Variants in ACOX3 observed in about 807,000 individuals in gnomAD.
ACOX3 encodes acyl-CoA oxidase 3, pristanoyl.
A neutral mutation model predicts 81.5 loss-of-function variants in ACOX3; 73 were observed. The observed-to-expected ratio is 0.90, with a 90% CI of 0.74 to 1.09. The LOEUF (loss-of-function observed/expected upper bound fraction) is 1.09. Among genes scored for constraint, ACOX3 ranks in the 50% least tolerant of loss-of-function variants. ACOX3 has a pLI of 0.00. For missense variants in ACOX3, 947 were observed against 928.0 expected (o/e 1.02, Z -0.27); for synonymous variants, 387 against 375.1 (o/e 1.03, Z -0.37).
intron 14 of ACOX3, among the ~76,000 whole-genome samples, chr4:8,379,452 A>G (rs1213321785): frequency 6.6e-6 from 1 of 152,162 alleles, no homozygotes; most frequent in African/African-American, 2.4e-5. Flanking sequence ...TGTCAGCTCC[A>G]CAGCTCAGCC....
chr4:8,375,064 G>A lies in ACOX3; in HGVS notation c.1742C>T (p.Pro581Leu), dbSNP rs746325383. ...FHEHVHQPSV[P>L]PSLRAVLGRL... Reference sequence around the variant, plus strand: ...CCCCAGCACGGCCCGCAGCGAGGGCGGCACGGAAGGCTGGTGCACGTGCTC... The same window carrying A: ...CCCCAGCACGGCCCGCAGCGAGGGCAGCACGGAAGGCTGGTGCACGTGCTC... Residue 581 changes from proline to leucine, a missense_variant, in exon 15 of 18, where the codon CCG becomes CTG. Coordinates refer to ENST00000356406, the MANE Select transcript of ACOX3 (RefSeq NM_003501.3). 71 of 1,554,428 alleles carry A rather than the reference G, an allele frequency of 4.6e-5. 1 individual carries two copies. The highest frequency in any genetic ancestry group is 4.1e-4 in the South Asian group (35 of 84,362).
intron 7 of ACOX3, among the ~76,000 whole-genome samples, chr4:8,404,929 C>T (rs1164407536): frequency 1.3e-5 from 2 of 152,184 alleles, no homozygotes; most frequent in Non-Finnish European, 2.9e-5. Flanking sequence ...ATCAGGCTCT[C>T]GGGGGAGACA....
At chr4:8,438,239 A>C (rs1270566374) in intron 1 of ACOX3, among the ~76,000 whole-genome samples, 1 of 152,218 alleles carries the variant, frequency 6.6e-6, no homozygotes, top group African/African-American at 2.4e-5. Context: ...ACTGCCTCTA[A>C]CTTTAAAGTC....
chr4:8,427,780 C>T (rs1038185957), intron 1 of ACOX3, among the ~76,000 whole-genome samples: 2 of 152,218 alleles, frequency 1.3e-5, no homozygotes, highest in Non-Finnish European at 2.9e-5. Context: ...CAATGCCTTG[C>T]TAGGGCCCAG....
rs1241654237 is a variant in ACOX3, at chr4:8,385,159, G to A, written c.1538-3552C>T. On this transcript the variant is annotated intron_variant, in intron 13 of 17. Coordinates refer to ENST00000356406, the MANE Select transcript of ACOX3 (RefSeq NM_003501.3). The surrounding 1 kb of genome is among the most constrained non-coding windows in gnomAD (Gnocchi z 5.5). Reference sequence around the variant, plus strand: ...GCCTAGCTCAAGGTCACAGCGGGGGGCAGTGCTGACCCAATAGCCTGTGCT... The same window carrying A: ...GCCTAGCTCAAGGTCACAGCGGGGGACAGTGCTGACCCAATAGCCTGTGCT... Among the ~76,000 whole-genome samples, 2 of 152,114 alleles carry A rather than the reference G, an allele frequency of 1.3e-5. No homozygotes were observed. The highest frequency in any genetic ancestry group is 2.9e-5 in the Non-Finnish European group (2 of 68,016).
Position 8,399,761 on chromosome 4 carries a change from G to T in ACOX3, c.777-109C>A. ...TGCAATCCCCGAGGACAAAGAAAAT[G>T]GCAGAGGGCAAGTAGACAGGAACAT... On this transcript the variant is annotated intron_variant, in intron 7 of 17. Transcript: ENST00000356406. This position sits in a 1 kb window ranked among gnomAD's most constrained non-coding sequence, Gnocchi z 4.9. The T allele has an allele frequency of 1.1e-6, 1 of 942,688 alleles. No homozygotes were observed. The highest frequency in any genetic ancestry group is 1.7e-6 in the Non-Finnish European group (1 of 604,350). The allele number at this position is 942,688 out of a possible 1,614,324, so 58.4% of individuals were successfully genotyped here.
rs1309381960 is a variant in ACOX3 at position 8,437,120 on chromosome 4, A to AT, written c.-15+3527_-15+3528insA. 2.8e-5 allele frequency among the ~76,000 whole-genome samples: 4 copies of AT among 142,358 alleles called. No homozygotes were observed. The East Asian group carries it at 6.0e-4, about 21-fold the overall frequency. The allele number at this position is 142,358 out of a possible 152,430, so 93.4% of individuals were successfully genotyped here. On this transcript the variant is annotated intron_variant, in intron 1 of 17. Transcript: ENST00000356406. This position sits in a 1 kb window ranked among gnomAD's most constrained non-coding sequence, Gnocchi z 5.2. ...ATATATTTACATATATATGTAAAAA[A>AT]ATATATGTAAATATATATATAAATA...
At chr4:8,378,459 C>T (rs1055894893) in intron 14 of ACOX3, among the ~76,000 whole-genome samples, 3 of 152,232 alleles carry the variant, frequency 2.0e-5, no homozygotes, top group African/African-American at 7.2e-5. Flanking sequence ...AAACCTCGAG[C>T]CCTTGTGGCA....
chr4:8,414,879 T>A lies in ACOX3; in HGVS notation c.428A>T (p.Tyr143Phe). 1 of 1,614,262 alleles carries A rather than the reference T, an allele frequency of 6.2e-7. No homozygotes were observed. The highest frequency in any genetic ancestry group is 8.5e-7 in the Non-Finnish European group (1 of 1,180,048). The change falls in exon 4 of 18, where the codon TAT (tyrosine) becomes TTT (phenylalanine). Residue 143 changes from tyrosine to phenylalanine, a missense_variant. Physicochemically the swap from Tyr to Phe is conservative, Grantham distance 22. Coordinates refer to ENST00000356406, the MANE Select transcript of ACOX3 (RefSeq NM_003501.3). This position sits in a 1 kb window ranked among gnomAD's most constrained non-coding sequence, Gnocchi z 6.1. ...YSSGSERHLT[Y>F]IQKIFRMEIF... ...CTCCATCCTGAAGATCTTTTGAATA[T>A]ATGTGAGATGTCTTTCAGAACCAGA...
intron 8 of ACOX3, among the ~76,000 whole-genome samples, chr4:8,398,342 T>G (rs948892165): frequency 6.6e-6 from 1 of 152,186 alleles, no homozygotes; most frequent in African/African-American, 2.4e-5. Context: ...TTCCTCAATT[T>G]CTCTACCGTG....
In ACOX3 at chr4:8,431,165, C is replaced by G. The variant is rs1723929526; in HGVS notation, c.-15+9483G>C. Among the ~76,000 whole-genome samples the G allele has an allele frequency of 6.6e-6, 1 of 152,126 alleles. No individual in the cohort carries two copies. The highest frequency in any genetic ancestry group is 2.1e-4 in the South Asian group (1 of 4,824). Reference sequence around the variant, plus strand: ...CCAGCCTTGGCCAGGTCCTCAGGCTCCCCTCCCTTCTCTGCCTGTCCCTTT... The same window carrying G: ...CCAGCCTTGGCCAGGTCCTCAGGCTGCCCTCCCTTCTCTGCCTGTCCCTTT... On this transcript the variant is annotated intron_variant, in intron 1 of 17. Coordinates refer to ENST00000356406, the MANE Select transcript of ACOX3 (RefSeq NM_003501.3). This position sits in a 1 kb window ranked among gnomAD's most constrained non-coding sequence, Gnocchi z 5.3.
chr4:8,380,189 CTTTT>C (rs11388749), intron 14 of ACOX3, among the ~76,000 whole-genome samples: 2 of 125,848 alleles, frequency 1.6e-5, no homozygotes, highest in East Asian at 4.4e-4. Context: ...ATATGGGTTC[CTTTT>C]TTTTTTTTTT....
rs1723903039 is a variant in ACOX3, at chr4:8,430,660, A to G, written c.-15+9988T>C. The stretch of plus-strand genomic sequence containing the variant: ...CACTTGAGGTCAGGAGTTTGAGACC[A>G]GCCTGGCCAACATGGTGAAACCCCA... On this transcript the variant is annotated intron_variant, in intron 1 of 17. Transcript: ENST00000356406. The surrounding 1 kb of genome is among the most constrained non-coding windows in gnomAD (Gnocchi z 5.2). Among the ~76,000 whole-genome samples, 1 of 152,204 alleles carries G rather than the reference A, an allele frequency of 6.6e-6. No homozygotes were observed. Among genetic ancestry groups the G allele is most frequent in the Non-Finnish European group, 1.5e-5 (1 of 68,036 alleles).
At chr4:8,404,751 C>G (rs1720748386) in intron 7 of ACOX3, among the ~76,000 whole-genome samples, 1 of 152,204 alleles carries the variant, frequency 6.6e-6, no homozygotes, top group Non-Finnish European at 1.5e-5. Context: ...AGGCAGGCTC[C>G]TCTCCTCTCC....
At position 8,375,028 on chromosome 4, in the gene ACOX3, G is replaced by A. The variant is rs1021455221; in HGVS notation, c.1778C>T (p.Ala593Val). 6.4e-7 allele frequency: 1 copy of A among 1,555,022 alleles called. No homozygotes were observed. The highest frequency in any genetic ancestry group is 8.7e-7 in the Non-Finnish European group (1 of 1,149,018). The change falls in exon 15 of 18, where the codon GCT becomes GTT. Residue 593 changes from alanine to valine, a missense_variant. By Grantham distance (64) the Ala-to-Val change is moderately conservative (BLOSUM62 0). Coordinates refer to ENST00000356406, the MANE Select transcript of ACOX3 (RefSeq NM_003501.3). ...GCTCAGGGACCACAGGGCGTACAGA[G>A]CACTGAGCCGCCCCAGCACGGCCCG... ...SLRAVLGRLS[A>V]LYALWSLSRH... is the part of the protein sequence containing the mutation.
chr4:8,391,821 C>G (rs1293541597), intron 11 of ACOX3, among the ~76,000 whole-genome samples: 1 of 152,238 alleles, frequency 6.6e-6, no homozygotes, highest in African/African-American at 2.4e-5. Flanking sequence ...GGCCTCCGCT[C>G]TTAACCATAT....
At chr4:8,396,341 G>A (rs569392146) in intron 9 of ACOX3, among the ~76,000 whole-genome samples, 26 of 152,290 alleles carry the variant, frequency 1.7e-4, no homozygotes, top group African/African-American at 5.5e-4. Flanking sequence ...TCACCTGAAC[G>A]TGCGGCCGTG....
Position 8,394,561 on chromosome 4 carries a change from T to A in ACOX3, c.1179+59A>T, listed in dbSNP as rs905692050. ...TGCTTTGAAATGAAGGTTGAATCTA[T>A]GCTGCTCCAACCGTGTGAGATTTAA... On this transcript the variant is annotated intron_variant, in intron 10 of 17. Transcript: ENST00000356406. The surrounding 1 kb of genome is among the most constrained non-coding windows in gnomAD (Gnocchi z 5.9). The A allele has an allele frequency of 6.3e-7, 1 of 1,594,792 alleles. No homozygotes were observed. Among genetic ancestry groups the A allele is most frequent in the Non-Finnish European group, 8.6e-7 (1 of 1,169,244 alleles).
chr4:8,381,271 T>C lies in ACOX3; in HGVS notation c.1653+221A>G, dbSNP rs1717616694. Among the ~76,000 whole-genome samples the C allele has an allele frequency of 6.6e-6, 1 of 152,092 alleles. No homozygotes were observed. Among genetic ancestry groups the C allele is most frequent in the Non-Finnish European group, 1.5e-5 (1 of 68,016 alleles). On this transcript the variant is annotated intron_variant, in intron 14 of 17. Coordinates refer to ENST00000356406, the MANE Select transcript of ACOX3 (RefSeq NM_003501.3). The surrounding 1 kb of genome is among the most constrained non-coding windows in gnomAD (Gnocchi z 4.3). The stretch of plus-strand genomic sequence containing the variant: ...GCTGGGAACCGTCAGGCACGGTAAA[T>C]GTAACATCCATGACCTCCCCAGCCC...
Sources: allele counts gnomAD v4.1 joint callset (sites outside exome capture counted in the v4.1 genomes callset), GRCh38; gene constraint gnomAD v4.1.1; non-coding constraint Gnocchi (gnomAD v3.1); transcripts MANE v1.5; gene names NCBI Gene and HGNC (gene_info 2026-07-23, HGNC 2026-07-21).